The following PTPRM variants were observed in gnomAD, a reference collection of about 807,000 sequenced individuals.
PTPRM encodes the protein protein tyrosine phosphatase receptor type M, also known as receptor-type tyrosine-protein phosphatase mu.
In PTPRM, 47 loss-of-function variants were observed where a neutral mutation model predicts 186.7. That is an observed-to-expected ratio of 0.25 (90% CI 0.20 to 0.32). The LOEUF is 0.32. Ranked by LOEUF, PTPRM falls within the 10% of genes least tolerant of loss-of-function variation. PTPRM has a pLI of 1.00. For synonymous variants in PTPRM, 668 were observed against 674.9 expected, an observed-to-expected ratio of 0.99 and a Z score of 0.16; for missense variants, 1,494 against 1,865.0, an observed-to-expected ratio of 0.80 and a Z score of 3.66.
intron 14 of PTPRM, among the ~76,000 whole-genome samples, chr18:8,162,878 G>T (rs1354916209): frequency 2.0e-5 from 3 of 152,190 alleles, no homozygotes; most frequent in African/African-American, 7.2e-5. Context: ...TCCACAGCCT[G>T]GCGAGCTGAT....
intron 23 of PTPRM, among the ~76,000 whole-genome samples, chr18:8,368,579 G>A (rs909460227): frequency 4.6e-5 from 7 of 152,150 alleles, no homozygotes; most frequent in Admixed American, 4.6e-4. Context: ...CCAACTAAAG[G>A]TAATGAGGCT....
intron 19 of PTPRM, among the ~76,000 whole-genome samples, chr18:8,258,859 T>C (rs1405691776): frequency 1.3e-5 from 2 of 151,774 alleles, no homozygotes; most frequent in African/African-American, 4.8e-5. Context: ...CTTTGCATCC[T>C]ATTCTTCAAA....
chr18:8,033,563 A>C (rs115674237), intron 7 of PTPRM, among the ~76,000 whole-genome samples: 2,614 of 152,298 alleles, frequency 0.017, 70 homozygotes, highest in African/African-American at 0.06. Flanking sequence ...CTGAATACTG[A>C]AGGCAACTGT....
intron 11 of PTPRM, among the ~76,000 whole-genome samples, chr18:8,105,925 G>C (rs2091495722): frequency 1.3e-5 from 2 of 152,296 alleles, no homozygotes; most frequent in Admixed American, 6.5e-5. Flanking sequence ...TTATAGACTC[G>C]ACAGAGAGTA....
At chr18:7,700,981 A>G (rs1227731231) in intron 1 of PTPRM, among the ~76,000 whole-genome samples, 2 of 142,036 alleles carry the variant, frequency 1.4e-5, no homozygotes, top group Non-Finnish European at 3.0e-5. Flanking sequence ...ATCTCAAAAA[A>G]AAAAAAAAAA....
chr18:7,925,236 G>A (rs2051102592), intron 4 of PTPRM, among the ~76,000 whole-genome samples: 1 of 152,174 alleles, frequency 6.6e-6, no homozygotes, highest in African/African-American at 2.4e-5. Flanking sequence ...TCAGTGAAAA[G>A]CAGAGATCAT....
At chr18:8,023,015 A>T (rs2085327529) in intron 7 of PTPRM, among the ~76,000 whole-genome samples, 1 of 152,102 alleles carries the variant, frequency 6.6e-6, no homozygotes, top group South Asian at 2.1e-4. Context: ...TTATTCAGTC[A>T]CCCGGTGGTT....
intron 7 of PTPRM, among the ~76,000 whole-genome samples, chr18:8,027,254 A>G (rs1037598658): frequency 1.3e-5 from 2 of 152,234 alleles, no homozygotes; most frequent in East Asian, 1.9e-4. Flanking sequence ...TCAGTGATAT[A>G]TAATTCAATC....
intron 13 of PTPRM, among the ~76,000 whole-genome samples, chr18:8,116,582 C>T (rs1285505088): frequency 6.6e-6 from 1 of 152,180 alleles, no homozygotes; most frequent in East Asian, 1.9e-4. Context: ...CAGACCTCCT[C>T]TTGGTGAGGA....
At chr18:7,663,778 A>G (rs1167463117) in intron 1 of PTPRM, among the ~76,000 whole-genome samples, 1 of 152,146 alleles carries the variant, frequency 6.6e-6, no homozygotes, top group Admixed American at 6.5e-5. Context: ...CATTTGCCTC[A>G]TATTGATGGG....
intron 2 of PTPRM, among the ~76,000 whole-genome samples, chr18:7,857,690 A>G (rs2146006601): frequency 6.6e-6 from 1 of 152,258 alleles, no homozygotes; most frequent in East Asian, 1.9e-4. Flanking sequence ...GGACTCAGTC[A>G]GTTTCTTTCA....
chr18:7,963,558 G>A (rs1169613200), intron 7 of PTPRM, among the ~76,000 whole-genome samples: 1 of 152,210 alleles, frequency 6.6e-6, no homozygotes, highest in Non-Finnish European at 1.5e-5. Context: ...CTTCCTCTAG[G>A]CTTGTTTTTG....
chr18:8,253,461 C>G (rs140678689), intron 19 of PTPRM, 47 bp downstream of exon 19: 15 of 1,370,648 alleles, frequency 1.1e-5, no homozygotes, highest in Middle Eastern at 2.0e-4. Flanking sequence ...TTCTTGGATT[C>G]CATGCCAGGT....
At chr18:8,191,901 A>G (rs1202986945) in intron 14 of PTPRM, among the ~76,000 whole-genome samples, 1 of 152,232 alleles carries the variant, frequency 6.6e-6, no homozygotes, top group Non-Finnish European at 1.5e-5. Flanking sequence ...TGACAGTATT[A>G]CCAACCTACA....
chr18:7,784,641 A>G (rs896177796), intron 2 of PTPRM, among the ~76,000 whole-genome samples: 2 of 152,220 alleles, frequency 1.3e-5, no homozygotes, highest in African/African-American at 4.8e-5. Context: ...CTTCAGATCT[A>G]CCAAGACCAC....
chr18:8,123,104 C>T (rs1388110136), intron 13 of PTPRM, among the ~76,000 whole-genome samples: 6 of 152,126 alleles, frequency 3.9e-5, no homozygotes, highest in Non-Finnish European at 7.4e-5. Context: ...TAAATTACTT[C>T]AGATTGAAGG....
At chr18:8,305,407 T>G (rs372550731) in intron 20 of PTPRM, among the ~76,000 whole-genome samples, 248 of 152,356 alleles carry the variant, frequency 1.6e-3, no homozygotes, top group African/African-American at 5.8e-3. Flanking sequence ...TTACTTCTTA[T>G]TGTATACCAG....
intron 7 of PTPRM, among the ~76,000 whole-genome samples, chr18:8,015,974 G>C (rs969648395): frequency 6.6e-6 from 1 of 152,092 alleles, no homozygotes; most frequent in African/African-American, 2.4e-5. Flanking sequence ...TACCTAAAAT[G>C]TCTTCTAAGA....
intron 14 of PTPRM, among the ~76,000 whole-genome samples, chr18:8,223,373 C>T (rs1349245912): frequency 6.6e-6 from 1 of 152,072 alleles, no homozygotes; most frequent in African/African-American, 2.4e-5. Flanking sequence ...AAGTCAGTGG[C>T]CTAAAGTTGG....
Sources: allele counts gnomAD v4.1 joint callset (sites outside exome capture counted in the v4.1 genomes callset), GRCh38; gene constraint gnomAD v4.1.1; transcripts MANE v1.5; gene names NCBI Gene and HGNC (gene_info 2026-07-23, HGNC 2026-07-21).